Variants in ADAMTSL1 observed in about 807,000 individuals in gnomAD.
The protein encoded by ADAMTSL1 is ADAMTS-like protein 1.
ADAMTSL1 carries 126 observed loss-of-function variants against 201.8 expected under a neutral mutation model. That is an observed-to-expected ratio of 0.62 (90% CI 0.54 to 0.72). ADAMTSL1 has a LOEUF of 0.72. ADAMTSL1 is among the 30% of genes least tolerant of loss of function. ADAMTSL1 has a pLI of 0.00. For synonymous variants in ADAMTSL1, 1,121 were observed against 903.4 expected (o/e 1.24, Z -4.32); for missense variants, 2,679 against 2,277.8 (o/e 1.18, Z -3.59).
intron 2 of ADAMTSL1, among the ~76,000 whole-genome samples, chr9:18,270,958 A>G (rs1036360473): frequency 6.6e-6 from 1 of 152,196 alleles, no homozygotes; most frequent in Non-Finnish European, 1.5e-5. Flanking sequence ...TAGGACCACA[A>G]GATGGAAGGG....
At chr9:18,637,824 C>T (rs993429983) in intron 6 of ADAMTSL1, among the ~76,000 whole-genome samples, 2 of 152,064 alleles carry the variant, frequency 1.3e-5, no homozygotes, top group African/African-American at 4.8e-5. Flanking sequence ...ATCTAGTCTG[C>T]CCCCTTGGCT....
At chr9:18,450,703 A>G (rs938746045) in intron 2 of ADAMTSL1, among the ~76,000 whole-genome samples, 2 of 151,216 alleles carry the variant, frequency 1.3e-5, no homozygotes, top group African/African-American at 2.5e-5. Context: ...AACTTACCAA[A>G]CTCCCTTTGC....
intron 23 of ADAMTSL1, among the ~76,000 whole-genome samples, chr9:18,846,160 T>C (rs1826093876): frequency 6.6e-6 from 1 of 152,234 alleles, no homozygotes; most frequent in South Asian, 2.1e-4. Context: ...GGCACTGTTC[T>C]AGGTACTGAG....
rs545141868 is a variant in ADAMTSL1 at position 18,645,379 on chromosome 9, G to T, written c.834+5968G>T. On this transcript the variant is annotated intron_variant, in intron 7 of 28. Transcript: ENST00000380548. Reference sequence around the variant, plus strand: ...TGGTAGTTTCTTTTGCTGTGCAGAAGCTCTTTAGTTTAATTAGATCCCATT... The same window carrying T: ...TGGTAGTTTCTTTTGCTGTGCAGAATCTCTTTAGTTTAATTAGATCCCATT... Among the ~76,000 whole-genome samples, 334 of 152,206 alleles carry T rather than the reference G, an allele frequency of 2.2e-3. 2 individuals carry two copies. The highest frequency in any genetic ancestry group is 7.6e-3 in the African/African-American group (316 of 41,532).
chr9:18,521,341 T>C (rs2132031132), intron 2 of ADAMTSL1, among the ~76,000 whole-genome samples: 1 of 152,152 alleles, frequency 6.6e-6, no homozygotes, highest in East Asian at 1.9e-4. Flanking sequence ...GGATAAGTGC[T>C]TGAGGGGATA....
At chr9:18,740,092 G>C (rs771508015) in intron 15 of ADAMTSL1, among the ~76,000 whole-genome samples, 1 of 152,152 alleles carries the variant, frequency 6.6e-6, no homozygotes, top group Non-Finnish European at 1.5e-5. Context: ...GCTTGAATTG[G>C]TTTCATGGTC....
At chr9:18,837,913 C>T (rs937779821) in intron 23 of ADAMTSL1, among the ~76,000 whole-genome samples, 2 of 152,176 alleles carry the variant, frequency 1.3e-5, no homozygotes, top group Non-Finnish European at 2.9e-5. Flanking sequence ...TTCCCTGTTT[C>T]TAAGGATCAC....
At chr9:18,470,972 G>A (rs951893734), upstream of ADAMTSL1, among the ~76,000 whole-genome samples, 2 of 152,260 alleles carry the variant, frequency 1.3e-5, no homozygotes, top group South Asian at 2.1e-4. Context: ...TTAGATACCT[G>A]AAGAGGAAAA....
intron 2 of ADAMTSL1, among the ~76,000 whole-genome samples, chr9:18,178,303 A>C (rs1828274202): frequency 6.6e-6 from 1 of 152,146 alleles, no homozygotes; most frequent in South Asian, 2.1e-4. Flanking sequence ...CCACCCAAAT[A>C]CTGCGCTTTT....
At chr9:18,235,978 T>C (rs1347398135) in intron 2 of ADAMTSL1, among the ~76,000 whole-genome samples, 1 of 152,244 alleles carries the variant, frequency 6.6e-6, no homozygotes, top group Non-Finnish European at 1.5e-5. Flanking sequence ...GATGCTTTTG[T>C]AGGTTACTGT....
chr9:18,197,867 G>C (rs982228319), intron 2 of ADAMTSL1, among the ~76,000 whole-genome samples: 10 of 151,906 alleles, frequency 6.6e-5, no homozygotes, highest in African/African-American at 2.4e-4. Context: ...ATACTACAAG[G>C]CTACAGTAAC....
At chr9:18,793,047 A>G (rs1588119662) in intron 19 of ADAMTSL1, among the ~76,000 whole-genome samples, 2 of 152,336 alleles carry the variant, frequency 1.3e-5, no homozygotes, top group East Asian at 3.9e-4. Context: ...ATCCCTCACA[A>G]TGTTTCAGCT....
chr9:18,378,547 A>T (rs958281794), intron 2 of ADAMTSL1, among the ~76,000 whole-genome samples: 12 of 152,196 alleles, frequency 7.9e-5, no homozygotes, highest in Admixed American at 6.5e-5. Context: ...TGTCTCTTCC[A>T]TGATGCTGAA....
Position 18,503,421 on chromosome 9 carries a change from G to GTATATATATA in ADAMTSL1, c.64-1397_64-1388dup, listed in dbSNP as rs10673652. On this transcript the variant is annotated intron_variant, in intron 1 of 28. Coordinates refer to ENST00000380548, the MANE Select transcript of ADAMTSL1 (RefSeq NM_001040272.6). The stretch of plus-strand genomic sequence containing the variant: ...TTAAGGCTGAATAGTATTCCATTGT[G>GTATATATATA]TATATATATATATATATATACCACA... 3.1e-3 allele frequency among the ~76,000 whole-genome samples: 353 copies of GTATATATATA among 115,262 alleles called. 7 individuals carry two copies. Among genetic ancestry groups the GTATATATATA allele is most frequent in the African/African-American group, 6.3e-3 (204 of 32,570 alleles). The allele number at this position is 115,262 out of a possible 152,430, so 75.6% of individuals were successfully genotyped here.
chr9:18,404,193 G>C (rs1445763800), intron 2 of ADAMTSL1, among the ~76,000 whole-genome samples: 7 of 152,018 alleles, frequency 4.6e-5, no homozygotes. Flanking sequence ...TCAAGTATCT[G>C]TGATAAGTTT....
chr9:18,664,515 T>G (rs1289919204), intron 9 of ADAMTSL1, among the ~76,000 whole-genome samples: 5 of 152,124 alleles, frequency 3.3e-5, no homozygotes, highest in African/African-American at 4.8e-5. Context: ...AAGTCACATG[T>G]TTTTAATTTC....
chr9:18,556,743 C>G (rs1312032025), intron 3 of ADAMTSL1, among the ~76,000 whole-genome samples: 1 of 151,932 alleles, frequency 6.6e-6, no homozygotes, highest in African/African-American at 2.4e-5. Flanking sequence ...ACTTATAACC[C>G]AGTAAATTTG....
chr9:18,407,002 A>T lies in ADAMTSL1; in HGVS notation c.208-97827A>T, dbSNP rs187332598. On this transcript the variant is annotated intron_variant, in intron 2 of 29. Coordinates refer to the ADAMTSL1 transcript ENST00000680146. The stretch of plus-strand genomic sequence containing the variant: ...AGATTTATGTATTCATCCAACAAAC[A>T]TTTATTGAGTTTCTATTAGGCAACA... 9.6e-4 allele frequency among the ~76,000 whole-genome samples: 146 copies of T among 152,368 alleles called. 1 individual carries two copies. The highest frequency in any genetic ancestry group is 1.7e-3 in the Non-Finnish European group (117 of 68,030).
intron 1 of ADAMTSL1, among the ~76,000 whole-genome samples, chr9:18,128,733 C>A (rs1433178383): frequency 6.6e-6 from 1 of 152,042 alleles, no homozygotes; most frequent in Non-Finnish European, 1.5e-5. Flanking sequence ...TCTCTCTCCC[C>A]CCTTTTTTTC....
Sources: gnomAD v4.1 joint callset for allele counts (sites outside exome capture counted in the v4.1 genomes callset) on GRCh38, gnomAD v4.1.1 for gene constraint, MANE v1.5 for transcripts, NCBI Gene and HGNC (gene_info 2026-07-23, HGNC 2026-07-21) for gene names.